DIAPH2: variants seen among roughly 807,000 people sequenced by gnomAD.
DIAPH2 encodes diaphanous related formin 2.
A neutral mutation model predicts 92.7 loss-of-function variants in DIAPH2; 35 were observed. The observed-to-expected ratio is 0.38, with a 90% confidence interval of 0.29 to 0.50. DIAPH2 has a LOEUF of 0.50. Among genes scored for constraint, DIAPH2 ranks in the 20% least tolerant of loss-of-function variants. DIAPH2 has a pLI of 0.94. For missense variants in DIAPH2, 701 were observed against 819.5 expected, an observed-to-expected ratio of 0.86 and a Z score of 1.77; for synonymous variants, 301 against 280.4, an observed-to-expected ratio of 1.07 and a Z score of -0.73.
intron 25 of DIAPH2, among the ~76,000 whole-genome samples, chrX:97,390,208 C>CTTTTTTTTTTT (rs142044871): frequency 3.0e-5 from 1 of 33,186 alleles, no homozygotes; most frequent in Non-Finnish European, 4.8e-5. Flanking sequence ...TGCTTTCTGT[C>CTTTTTTTTTTT]TTTTTTTTTT....
intron 26 of DIAPH2, among the ~76,000 whole-genome samples, chrX:97,484,121 A>G (rs1569409214): frequency 9.0e-6 from 1 of 111,650 alleles, no homozygotes; most frequent in Non-Finnish European, 1.9e-5. Flanking sequence ...AGAGTATCAG[A>G]CCATACCCCA....
At chrX:97,273,914 A>G (rs2068411966) in intron 23 of DIAPH2, among the ~76,000 whole-genome samples, 1 of 110,887 alleles carries the variant, frequency 9.0e-6, no homozygotes, top group Non-Finnish European at 1.9e-5. Context: ...CATCATTCCC[A>G]GGCAGAAGTA....
At position 97,429,732 on chromosome X, in the gene DIAPH2, T is replaced by A. The variant is rs750900918; in HGVS notation, c.3228T>A (p.Ile1076=). 2 of 1,208,400 alleles carry A rather than the reference T, an allele frequency of 1.7e-6. No individual in the cohort carries two copies. The highest frequency in any genetic ancestry group is 2.2e-6 in the Non-Finnish European group (2 of 894,187). Residue 1076 remains isoleucine, a synonymous_variant, in exon 26 of 27, where the codon ATT becomes ATA. Transcript: ENST00000324765. ...CATTCAGAGACCGTCGAAAGCGGAT[T>A]CCAAGGAATCCAGGTAAAACACATT... ...GAAFRDRRKR[I]PRNPDNRRVP...
chrX:97,542,049 T>C (rs1214902315), intron 26 of DIAPH2, among the ~76,000 whole-genome samples: 1 of 112,381 alleles, frequency 8.9e-6, no homozygotes, highest in Admixed American at 9.4e-5. Context: ...AAGTTAATGA[T>C]CAGTTTTTCT....
At chrX:96,810,876 G>A (rs1455891411) in intron 4 of DIAPH2, among the ~76,000 whole-genome samples, 3 of 111,528 alleles carry the variant, frequency 2.7e-5, no homozygotes, top group Non-Finnish European at 5.7e-5. Context: ...CCACTGGTCT[G>A]TTTCTCTGTT....
chrX:97,308,045 T>A (rs1452471801), intron 23 of DIAPH2, among the ~76,000 whole-genome samples: 2 of 111,169 alleles, frequency 1.8e-5, no homozygotes, highest in African/African-American at 6.5e-5. Flanking sequence ...GGGGAGTATT[T>A]GTGCTTCAGG....
intron 4 of DIAPH2, among the ~76,000 whole-genome samples, chrX:96,823,327 C>G (rs931710907): frequency 8.1e-5 from 9 of 110,877 alleles, no homozygotes; most frequent in Non-Finnish European, 1.5e-4. Flanking sequence ...AAAATTAGAG[C>G]ATAAATGCCC....
At chrX:97,551,976 C>A (rs1248323092) in intron 26 of DIAPH2, among the ~76,000 whole-genome samples, 1 of 111,657 alleles carries the variant, frequency 9.0e-6, no homozygotes, top group African/African-American at 3.3e-5. Context: ...AGCACTGACT[C>A]AGCTAAGGAT....
intron 3 of DIAPH2, among the ~76,000 whole-genome samples, chrX:96,740,693 C>A (rs954712755): frequency 1.2e-4 from 13 of 111,626 alleles, no homozygotes; most frequent in Admixed American, 2.9e-4. Context: ...TAGATGATAA[C>A]CCTCTCTAGT....
At chrX:96,874,685 A>C (rs1225071247) in intron 4 of DIAPH2, among the ~76,000 whole-genome samples, 1 of 111,863 alleles carries the variant, frequency 8.9e-6, no homozygotes, top group Admixed American at 9.5e-5. Context: ...TTTTATAAGA[A>C]AGGAAGGTTA....
intron 26 of DIAPH2, chrX:97,449,813 C>T (rs1375605011): frequency 6.7e-6 from 1 of 150,005 alleles, no homozygotes; most frequent in East Asian, 2.7e-4. Context: ...TAGCACTTCT[C>T]ACCATTGCTT....
At chrX:97,408,868 A>G (rs1034812137) in intron 25 of DIAPH2, among the ~76,000 whole-genome samples, 1 of 112,283 alleles carries the variant, frequency 8.9e-6, no homozygotes, top group African/African-American at 3.2e-5. Context: ...AATGATAAAG[A>G]CAAGTAGCCT....
intron 26 of DIAPH2, among the ~76,000 whole-genome samples, chrX:97,508,640 A>G (rs1172750828): frequency 8.9e-6 from 1 of 112,109 alleles, no homozygotes; most frequent in African/African-American, 3.2e-5. Context: ...TGTGGTTAGT[A>G]CCTATGGAGT....
intron 4 of DIAPH2, among the ~76,000 whole-genome samples, chrX:96,761,856 T>C (rs2064271365): frequency 9.0e-6 from 1 of 111,306 alleles, no homozygotes. Flanking sequence ...AGACTGTTAA[T>C]GGCACCAAAG....
chrX:97,291,980 A>T (rs1308169600), intron 23 of DIAPH2, among the ~76,000 whole-genome samples: 1 of 111,768 alleles, frequency 8.9e-6, no homozygotes, highest in Non-Finnish European at 1.9e-5. Flanking sequence ...TGATTGATGT[A>T]TACAGGATTT....
In DIAPH2 at chrX:97,141,773, C is replaced by T; in HGVS notation, c.2698C>T (p.His900Tyr). 8.3e-7 allele frequency: 1 copy of T among 1,204,925 alleles called. No homozygotes were observed. The highest frequency in any genetic ancestry group is 1.8e-5 in the South Asian group (1 of 55,083). ...DILKFPEELE[H>Y]VESASKVSAQ... is the part of the protein sequence containing the mutation. ...CCTAAAATTTCCTGAAGAACTGGAA[C>T]ACGTAGAAAGTGCAAGCAAAGGTAA... is the stretch of plus-strand genomic sequence containing the variant. The change falls in exon 22 of 27, where the codon CAC becomes TAC. Residue 900 changes from histidine to tyrosine, a missense_variant. By Grantham distance (83) the His-to-Tyr change is moderately conservative. Transcript: ENST00000324765.
chrX:97,434,127 A>G (rs1333667667), intron 26 of DIAPH2, among the ~76,000 whole-genome samples: 1 of 111,485 alleles, frequency 9.0e-6, no homozygotes, highest in Admixed American at 9.6e-5. Flanking sequence ...TATAGGGGTA[A>G]TTCTGGAAAA....
chrX:96,953,353 C>G (rs763222846), intron 15 of DIAPH2, among the ~76,000 whole-genome samples: 1 of 111,343 alleles, frequency 9.0e-6, no homozygotes, highest in East Asian at 2.8e-4. Flanking sequence ...ACTTCTATAA[C>G]TTCCATTTGT....
chrX:96,859,472 C>T, intron 4 of DIAPH2, among the ~76,000 whole-genome samples: 1 of 109,837 alleles, frequency 9.1e-6, no homozygotes, highest in East Asian at 2.8e-4. Flanking sequence ...TTTTGAGAAC[C>T]ATGGGCAATA....
Sources: allele counts gnomAD v4.1 joint callset (sites outside exome capture counted in the v4.1 genomes callset), GRCh38; gene constraint gnomAD v4.1.1; transcripts MANE v1.5; gene names NCBI Gene and HGNC (gene_info 2026-07-23, HGNC 2026-07-21).